The following PPM1B variants were observed in gnomAD, a reference collection of about 807,000 sequenced individuals.
PPM1B encodes the protein protein phosphatase, Mg2+/Mn2+ dependent 1B.
In PPM1B, 22 loss-of-function variants were observed where a neutral mutation model predicts 43.0. That is an observed-to-expected ratio of 0.51 (90% confidence interval 0.37 to 0.73). The LOEUF is 0.73. Ranked by LOEUF, PPM1B falls within the 30% of genes least tolerant of loss-of-function variation. The probability of loss-of-function intolerance (pLI) is 0.00; values close to 1 mark genes in which losing one functional copy is unlikely to be tolerated. For missense variants in PPM1B, 632 were observed against 584.2 expected (o/e 1.08, Z -0.84); for synonymous variants, 217 against 197.9 (o/e 1.10, Z -0.81).
At chr2:44,245,074 C>A (rs923189103), downstream of PPM1B, among the ~76,000 whole-genome samples, 8 of 151,876 alleles carry the variant, frequency 5.3e-5, no homozygotes, top group Non-Finnish European at 1.2e-4. Context: ...AAAAAATATG[C>A]CAAAATAAAC....
At chr2:44,198,102 G>A (rs982142172) in intron 1 of PPM1B, among the ~76,000 whole-genome samples, 1 of 152,146 alleles carries the variant, frequency 6.6e-6, no homozygotes, top group African/African-American at 2.4e-5. Context: ...AGTGTGCCAA[G>A]TGCAGTAAGG....
downstream of PPM1B, chr2:44,231,508 A>AAATTTTTTAAAAATTTTAAAAAAATTTT: frequency 1.1e-6 from 1 of 921,944 alleles, no homozygotes; most frequent in Non-Finnish European, 1.3e-6. Context: ...AATTTTTTAA[A>AAATTTTTTAAAAATTTTAAAAAAATTTT]AACAACCAAG....
intron 1 of PPM1B, among the ~76,000 whole-genome samples, chr2:44,181,381 G>A (rs745817797): frequency 6.6e-6 from 1 of 151,990 alleles, no homozygotes; most frequent in Non-Finnish European, 1.5e-5. Context: ...ATTAGAGAAG[G>A]TTCTTGATAA....
At chr2:44,187,727 C>G (rs1410013315) in intron 1 of PPM1B, among the ~76,000 whole-genome samples, 1 of 152,118 alleles carries the variant, frequency 6.6e-6, no homozygotes, top group Non-Finnish European at 1.5e-5. Flanking sequence ...ATTGCATTTC[C>G]TGGATTGAAC....
In PPM1B at chr2:44,230,885, T is replaced by C. The variant is rs1366180354; in HGVS notation, c.*167T>C. The C allele has an allele frequency of 5.9e-6, 8 of 1,358,266 alleles. No homozygotes were observed. Among genetic ancestry groups the C allele is most frequent in the Admixed American group, 3.2e-5 (1 of 31,132 alleles). The allele number at this position is 1,358,266 out of a possible 1,614,324, so 84.1% of individuals were successfully genotyped here. On this transcript the variant is annotated 3_prime_UTR_variant, in exon 6 of 6. Transcript: ENST00000282412. ...GGCCTTTGCATACACCTTTATGAGA[T>C]AGTGTAAAATTGACTATTTATAGTA...
At chr2:44,207,983 G>A (rs1188277165) in intron 2 of PPM1B, among the ~76,000 whole-genome samples, 1 of 151,368 alleles carries the variant, frequency 6.6e-6, no homozygotes, top group Non-Finnish European at 1.5e-5. Flanking sequence ...CCACCTCCCG[G>A]GTTCAAGTGA....
At chr2:44,244,270 T>G (rs12613956) in exon 6 of PPM1B, 226,325 of 1,359,198 alleles carry the variant, frequency 0.17, 20,201 homozygotes, top group South Asian at 0.25. Flanking sequence ...TGCTGAGAGC[T>G]CTGGTGACAA....
At chr2:44,223,844 AG>A (rs1670090134) in intron 5 of PPM1B, among the ~76,000 whole-genome samples, 2 of 119,346 alleles carry the variant, frequency 1.7e-5, no homozygotes, top group Non-Finnish European at 3.4e-5. Flanking sequence ...AAAAAAAAAA[AG>A]AGAGAGAGAG....
chr2:44,191,112 CT>C (rs1212781521), intron 1 of PPM1B, among the ~76,000 whole-genome samples: 1 of 152,178 alleles, frequency 6.6e-6, no homozygotes, highest in Non-Finnish European at 1.5e-5. Flanking sequence ...TCAAGTTGGT[CT>C]TAGTAGTTTT....
At position 44,240,357 on chromosome 2, in the gene PPM1B, A is replaced by G. The variant is rs1215991013; in HGVS notation, n.1547-3871A>G. 1.4e-5 allele frequency among the ~76,000 whole-genome samples: 2 copies of G among 145,728 alleles called. 1 individual carries two copies. Among genetic ancestry groups the G allele is most frequent in the Non-Finnish European group, 3.1e-5 (2 of 65,288 alleles). ...CCATGTTGCTCACTCATTTTAACCTATCACTCCCTTTCCTCCCCCTGTAAA... is the reference window on the plus strand; with the variant it reads ...CCATGTTGCTCACTCATTTTAACCTGTCACTCCCTTTCCTCCCCCTGTAAA... On this transcript the variant is annotated intron_variant and non_coding_transcript_variant, in intron 5 of 5. Coordinates refer to the PPM1B transcript ENST00000378540.
At chr2:44,199,197 G>T (rs1318346695) in intron 1 of PPM1B, among the ~76,000 whole-genome samples, 1 of 150,108 alleles carries the variant, frequency 6.7e-6, no homozygotes, top group African/African-American at 2.5e-5. Flanking sequence ...GGCGGAGGTT[G>T]CAGTGAGCCG....
chr2:44,230,082 A>G (rs1670402727), intron 5 of PPM1B: 2 of 1,524,886 alleles, frequency 1.3e-6, no homozygotes, highest in Non-Finnish European at 1.8e-6. Context: ...ACTAAATCAT[A>G]TAGCCAAATA....
downstream of PPM1B, among the ~76,000 whole-genome samples, chr2:44,231,643 A>G (rs1670472907): frequency 6.6e-6 from 1 of 152,146 alleles, no homozygotes; most frequent in African/African-American, 2.4e-5. Flanking sequence ...TATGTGTTGC[A>G]TACTTAAATC....
At chr2:44,192,393 T>G (rs886521977) in intron 1 of PPM1B, among the ~76,000 whole-genome samples, 2 of 152,068 alleles carry the variant, frequency 1.3e-5, no homozygotes, top group Admixed American at 1.3e-4. Context: ...TTTTTGTATT[T>G]TCAGTAGAGA....
downstream of PPM1B, chr2:44,233,108 G>A: frequency 3.1e-6 from 3 of 979,058 alleles, no homozygotes; most frequent in Non-Finnish European, 3.6e-6. Flanking sequence ...TTAAAGATGA[G>A]ATTTGCCTTT....
intron 3 of PPM1B, among the ~76,000 whole-genome samples, chr2:44,216,323 C>T (rs918140664): frequency 1.2e-4 from 18 of 152,046 alleles, no homozygotes; most frequent in African/African-American, 4.1e-4. Flanking sequence ...GCCAGGGATG[C>T]TGCTTAATAT....
intron 3 of PPM1B, among the ~76,000 whole-genome samples, chr2:44,212,172 C>G (rs542610476): frequency 1.8e-4 from 27 of 152,322 alleles, no homozygotes; most frequent in East Asian, 1.5e-3. Context: ...TCAACTGTTT[C>G]AGGCAATGAG....
At chr2:44,229,554 A>G (rs1670377853) in intron 5 of PPM1B, among the ~76,000 whole-genome samples, 1 of 152,132 alleles carries the variant, frequency 6.6e-6, no homozygotes, top group Non-Finnish European at 1.5e-5. Context: ...GTGTGCTCTA[A>G]CTTGATCCTC....
intron 5 of PPM1B, among the ~76,000 whole-genome samples, chr2:44,242,025 A>AT (rs1466660417): frequency 2.0e-5 from 3 of 150,996 alleles, no homozygotes; most frequent in African/African-American, 7.3e-5. Flanking sequence ...CGCCCGGCTA[A>AT]TTTTTTGTAT....
Sources: gnomAD v4.1 joint callset for allele counts (sites outside exome capture counted in the v4.1 genomes callset) on GRCh38, gnomAD v4.1.1 for gene constraint, MANE v1.5 for transcripts, NCBI Gene and HGNC (gene_info 2026-07-23, HGNC 2026-07-21) for gene names.